Variants in TUSC3 observed in about 807,000 individuals in gnomAD.
The protein encoded by TUSC3 is dolichyl-diphosphooligosaccharide--protein glycosyltransferase subunit TUSC3.
TUSC3 carries 45 observed loss-of-function variants against 44.8 expected under a neutral mutation model. That is an observed-to-expected ratio of 1.00 (90% confidence interval 0.79 to 1.29). TUSC3 has a LOEUF of 1.29. TUSC3 is among the 50% of genes most tolerant of loss of function. The pLI, the probability that TUSC3 is intolerant of heterozygous loss-of-function variation, is 0.00. For missense variants in TUSC3, 519 were observed against 437.9 expected (o/e 1.19, Z -1.65); for synonymous variants, 212 against 152.9 (o/e 1.39, Z -2.85).
chr8:15,745,672 C>A (rs1404069954), intron 8 of TUSC3, among the ~76,000 whole-genome samples: 2 of 151,120 alleles, frequency 1.3e-5, no homozygotes, highest in African/African-American at 4.9e-5. Flanking sequence ...GATTTAAGTT[C>A]CGTGTAGATT....
intron 1 of TUSC3, among the ~76,000 whole-genome samples, chr8:15,478,058 A>G (rs1800605830): frequency 6.6e-6 from 1 of 152,046 alleles, no homozygotes; most frequent in Admixed American, 6.6e-5. Context: ...CCCAGGTTCA[A>G]GCGATTCTCC....
chr8:15,498,188 A>T (rs961929127), intron 2 of TUSC3, among the ~76,000 whole-genome samples: 1 of 152,174 alleles, frequency 6.6e-6, no homozygotes, highest in Non-Finnish European at 1.5e-5. Context: ...AGAAAAACAG[A>T]TGAGTTTATT....
At chr8:15,555,355 TG>T (rs1802221707) in intron 1 of TUSC3, among the ~76,000 whole-genome samples, 1 of 136,336 alleles carries the variant, frequency 7.3e-6, no homozygotes, top group South Asian at 2.6e-4. Flanking sequence ...AGTGCAGTGC[TG>T]GGGGATCACA....
upstream of TUSC3, among the ~76,000 whole-genome samples, chr8:15,536,717 AAAAAAAAG>A (rs1801528051): frequency 3.7e-5 from 5 of 135,958 alleles, no homozygotes; most frequent in Admixed American, 3.8e-4. Flanking sequence ...AAAAAAAAAA[AAAAAAAAG>A]AATGCAGGAA....
chr8:15,572,297 T>G (rs1400231269), intron 1 of TUSC3, among the ~76,000 whole-genome samples: 1 of 152,180 alleles, frequency 6.6e-6, no homozygotes, highest in African/African-American at 2.4e-5. Flanking sequence ...GGAAATGGCT[T>G]CTTTCTTTAA....
chr8:15,622,762 C>A (rs1038336465), intron 1 of TUSC3, among the ~76,000 whole-genome samples: 10 of 151,818 alleles, frequency 6.6e-5, no homozygotes, highest in Non-Finnish European at 1.5e-4. Flanking sequence ...ACTGGGCTTC[C>A]CCTTTCTTTG....
intron 7 of TUSC3, among the ~76,000 whole-genome samples, chr8:15,731,711 G>A (rs961961870): frequency 1.3e-5 from 2 of 152,104 alleles, no homozygotes; most frequent in Admixed American, 6.6e-5. Context: ...ACCAATGAAT[G>A]TTAGTCATGC....
At chr8:15,513,851 TCTAA>T (rs980342071) in intron 2 of TUSC3, among the ~76,000 whole-genome samples, 31 of 152,156 alleles carry the variant, frequency 2.0e-4, no homozygotes, top group Non-Finnish European at 4.1e-4. Flanking sequence ...CTCTTTTCAG[TCTAA>T]CTTTTACTTG....
chr8:15,599,404 T>C (rs1022789048), intron 1 of TUSC3, among the ~76,000 whole-genome samples: 1 of 151,790 alleles, frequency 6.6e-6, no homozygotes, highest in Non-Finnish European at 1.5e-5. Flanking sequence ...TCACCATTTC[T>C]TTTGGAGAGC....
intron 7 of TUSC3, among the ~76,000 whole-genome samples, chr8:15,743,086 C>T (rs546603691): frequency 7.4e-4 from 112 of 152,162 alleles, no homozygotes; most frequent in Admixed American, 2.4e-3. Context: ...GACATGATAC[C>T]GGACCTTCAT....
the TUSC3 span, among the ~76,000 whole-genome samples, chr8:15,845,073 A>G: frequency 6.6e-6 from 1 of 152,334 alleles, no homozygotes; most frequent in Non-Finnish European, 1.5e-5. Context: ...TTTTAGTTCA[A>G]GCCTATCTAA....
chr8:15,464,320 A>G lies in TUSC3; in HGVS notation n.92-19066A>G, dbSNP rs13439634. On this transcript the variant is annotated intron_variant and non_coding_transcript_variant, in intron 1 of 5. Transcript: ENST00000503191. ...GAATCCAAGCCCTGAGCACTTGATA[A>G]TTCAGGAATAACCATATGGTTATAC... Among the ~76,000 whole-genome samples the G allele has an allele frequency of 8.5e-4, 129 of 152,302 alleles. 2 individuals carry two copies. The highest frequency in any genetic ancestry group is 3.0e-3 in the African/African-American group (123 of 41,570).
chr8:15,790,991 A>C, the TUSC3 span, among the ~76,000 whole-genome samples: 1 of 152,264 alleles, frequency 6.6e-6, no homozygotes, highest in South Asian at 2.1e-4. Flanking sequence ...TGGCACTTAC[A>C]CTACCGTATG....
At chr8:15,491,980 CA>C (rs1487059073) in intron 2 of TUSC3, among the ~76,000 whole-genome samples, 1 of 152,208 alleles carries the variant, frequency 6.6e-6, no homozygotes. Flanking sequence ...ATAGTTACCT[CA>C]AATCTCTGAG....
rs1428494100 is a variant in TUSC3 at position 15,650,722 on chromosome 8, C to G, written c.334C>G (p.Leu112Val). The G allele has an allele frequency of 6.2e-7, 1 of 1,613,982 alleles. No homozygotes were observed. The highest frequency in any genetic ancestry group is 8.5e-7 in the Non-Finnish European group (1 of 1,179,998). ...CRQANEEYQILANSWRYSSAF... is the reference protein window; with the variant it reads ...CRQANEEYQIVANSWRYSSAF... ...GCAAGCTAATGAAGAATATCAAATA[C>G]TGGCGAACTCCTGGCGCTATTCATC... Residue 112 changes from leucine to valine, a missense_variant, in exon 3 of 11, where the codon CTG (leucine) becomes GTG (valine). Leu to Val is a conservative substitution (Grantham distance 32). Transcript: ENST00000503731.
At chr8:15,502,558 T>C (rs572684658) in intron 2 of TUSC3, among the ~76,000 whole-genome samples, 2 of 152,336 alleles carry the variant, frequency 1.3e-5, no homozygotes, top group African/African-American at 4.8e-5. Flanking sequence ...TGGCGCGATC[T>C]CCGCTCACTG....
At chr8:15,819,665 T>A in the TUSC3 span, among the ~76,000 whole-genome samples, 20,443 of 152,222 alleles carry the variant, frequency 0.13, 1,486 homozygotes, top group East Asian at 0.25. Context: ...GTATATAGAA[T>A]TAAAAGTTAA....
chr8:15,564,351 A>T (rs183551692), intron 1 of TUSC3, among the ~76,000 whole-genome samples: 1 of 152,200 alleles, frequency 6.6e-6, no homozygotes, highest in Non-Finnish European at 1.5e-5. Flanking sequence ...AAATATTCAT[A>T]TACAAATCTT....
intron 1 of TUSC3, among the ~76,000 whole-genome samples, chr8:15,554,321 G>T (rs1802162773): frequency 6.6e-6 from 1 of 151,688 alleles, no homozygotes; most frequent in African/African-American, 2.4e-5. Flanking sequence ...AATGCAAGGA[G>T]ATGTGTGTCA....
Sources: gnomAD v4.1 joint callset for allele counts (sites outside exome capture counted in the v4.1 genomes callset) on GRCh38, gnomAD v4.1.1 for gene constraint, MANE v1.5 for transcripts, NCBI Gene and HGNC (gene_info 2026-07-23, HGNC 2026-07-21) for gene names.